PLEKHA7: variants seen among roughly 807,000 people sequenced by gnomAD.
The protein encoded by PLEKHA7 is pleckstrin homology domain containing A7.
In PLEKHA7, 104 loss-of-function variants were observed where a neutral mutation model predicts 170.0. That is an observed-to-expected ratio of 0.61 (90% CI 0.52 to 0.72). The LOEUF is 0.72. Among genes scored for constraint, PLEKHA7 ranks in the 30% least tolerant of loss-of-function variants. PLEKHA7 has a pLI of 0.00. For synonymous variants in PLEKHA7, 648 were observed against 660.8 expected (o/e 0.98, Z 0.30); for missense variants, 1,615 against 1,671.7 (o/e 0.97, Z 0.59).
chr11:16,871,297 G>A (rs2135673971), intron 3 of PLEKHA7, 115 bp from the exon 4 acceptor site: 1 of 754,216 alleles, frequency 1.3e-6, no homozygotes, highest in South Asian at 1.5e-5. Context: ...CACAGGGGGA[G>A]AAATGTGGGC....
intron 11 of PLEKHA7, 146 bp downstream of exon 11, chr11:16,816,654 G>A (rs1340437087): frequency 3.0e-6 from 3 of 996,474 alleles, no homozygotes; most frequent in East Asian, 5.1e-5. Context: ...CTTGGGAACT[G>A]TGCCTGGCAT....
intron 17 of PLEKHA7, among the ~76,000 whole-genome samples, chr11:16,799,028 T>C (rs562490971): frequency 1.6e-4 from 25 of 152,336 alleles, no homozygotes; most frequent in South Asian, 6.2e-4. Context: ...TCTGAGATGA[T>C]AGAAACCTAT....
intron 3 of PLEKHA7, among the ~76,000 whole-genome samples, chr11:16,997,960 T>C (rs1259616640): frequency 1.3e-5 from 2 of 152,152 alleles, no homozygotes; most frequent in African/African-American, 2.4e-5. Context: ...AGAGAGACTA[T>C]GAGAACCCCA....
At chr11:16,947,784 C>A (rs199978258) in intron 3 of PLEKHA7, among the ~76,000 whole-genome samples, 21 of 150,882 alleles carry the variant, frequency 1.4e-4, no homozygotes, top group Middle Eastern at 3.5e-3. Flanking sequence ...GGCTTGGTGG[C>A]GCATGCCTGT....
intron 3 of PLEKHA7, among the ~76,000 whole-genome samples, chr11:16,963,614 T>G (rs1427804145): frequency 2.0e-5 from 3 of 152,150 alleles, no homozygotes; most frequent in Non-Finnish European, 4.4e-5. Context: ...GGCCCTACTT[T>G]GTGGCCTAAA....
chr11:16,914,064 T>C (rs753098238), intron 3 of PLEKHA7, among the ~76,000 whole-genome samples: 40 of 152,268 alleles, frequency 2.6e-4, no homozygotes, highest in Middle Eastern at 3.4e-3. Context: ...CAGACTGTTA[T>C]GTACCAAATA....
At chr11:16,960,527 C>A (rs1018902860) in intron 3 of PLEKHA7, among the ~76,000 whole-genome samples, 1 of 152,096 alleles carries the variant, frequency 6.6e-6, no homozygotes, top group Admixed American at 6.5e-5. Flanking sequence ...ATGAGGCAAG[C>A]GTCGCCCTAG....
At chr11:16,922,331 T>G (rs1312902614) in intron 3 of PLEKHA7, among the ~76,000 whole-genome samples, 2 of 152,214 alleles carry the variant, frequency 1.3e-5, no homozygotes, top group African/African-American at 4.8e-5. Context: ...TTCTCACAAT[T>G]GTCCTGAGGA....
At chr11:16,963,067 C>T (rs1239690438) in intron 3 of PLEKHA7, among the ~76,000 whole-genome samples, 1 of 152,180 alleles carries the variant, frequency 6.6e-6, no homozygotes. Context: ...GATGAGGTGG[C>T]CTTCCACTCC....
chr11:16,794,253 A>C (rs1848056981), intron 19 of PLEKHA7, among the ~76,000 whole-genome samples: 1 of 151,906 alleles, frequency 6.6e-6, no homozygotes, highest in African/African-American at 2.4e-5. Flanking sequence ...CAGTTTTCCC[A>C]ACTGCAAAAT....
intron 9 of PLEKHA7, among the ~76,000 whole-genome samples, chr11:16,840,552 C>T (rs1422526416): frequency 1.3e-5 from 2 of 152,092 alleles, no homozygotes; most frequent in Non-Finnish European, 2.9e-5. Context: ...AAAAGCGAGA[C>T]TCTGTCTGAA....
Position 16,826,142 on chromosome 11 carries a change from C to A in PLEKHA7, c.1321G>T (p.Ala441Ser). Residue 441 changes from alanine to serine, a missense_variant, in exon 10 of 27, where the codon GCC becomes TCC. Transcript: ENST00000531066. The part of the protein sequence containing the change: ...NLAQVEHWAR[A>S]QKGDSRSLPL... ...CACCTCCTGCTATCCCCTTTCTGGG[C>A]CCTTGCCCAGTGCTCCACCTGGGCC... 1 of 1,614,162 alleles carries A rather than the reference C, an allele frequency of 6.2e-7. No individual in the cohort carries two copies. The highest frequency in any genetic ancestry group is 8.5e-7 in the Non-Finnish European group (1 of 1,179,994).
intron 3 of PLEKHA7, among the ~76,000 whole-genome samples, chr11:16,993,597 A>C (rs977994070): frequency 2.0e-5 from 3 of 152,172 alleles, no homozygotes; most frequent in Non-Finnish European, 4.4e-5. Context: ...GTCTCTGGGC[A>C]ACCTCCTGAC....
intron 4 of PLEKHA7, among the ~76,000 whole-genome samples, chr11:16,870,345 A>G (rs943389853): frequency 6.6e-6 from 1 of 151,962 alleles, no homozygotes; most frequent in African/African-American, 2.4e-5. Context: ...GATGGGGTCT[A>G]GGGCAGGATG....
At chr11:16,843,529 A>G (rs993472954) in intron 8 of PLEKHA7, among the ~76,000 whole-genome samples, 1 of 152,280 alleles carries the variant, frequency 6.6e-6, no homozygotes, top group Non-Finnish European at 1.5e-5. Flanking sequence ...GCCTGCAGCC[A>G]AGGATCCCTA....
At chr11:16,922,280 G>T (rs1272555555) in intron 3 of PLEKHA7, among the ~76,000 whole-genome samples, 1 of 152,110 alleles carries the variant, frequency 6.6e-6, no homozygotes, top group Admixed American at 6.6e-5. Flanking sequence ...GCTATCAATT[G>T]GTAAGTACTG....
intron 8 of PLEKHA7, among the ~76,000 whole-genome samples, chr11:16,843,814 G>A (rs1852166421): frequency 6.6e-6 from 1 of 152,156 alleles, no homozygotes; most frequent in Non-Finnish European, 1.5e-5. Context: ...GCACATGCCT[G>A]TAATCTCAGC....
chr11:16,975,415 G>A (rs374797794), intron 3 of PLEKHA7, among the ~76,000 whole-genome samples: 1 of 152,140 alleles, frequency 6.6e-6, no homozygotes, highest in East Asian at 1.9e-4. Context: ...TAATGAAATC[G>A]TATGCAGCCA....
intron 23 of PLEKHA7, chr11:16,786,662 G>A (rs954054264): frequency 8.1e-6 from 8 of 985,378 alleles, no homozygotes; most frequent in Non-Finnish European, 9.6e-6. Context: ...GGTCCCCAGG[G>A]AAATAGAAGG....
Sources: allele counts gnomAD v4.1 joint callset (sites outside exome capture counted in the v4.1 genomes callset), GRCh38; gene constraint gnomAD v4.1.1; transcripts MANE v1.5; gene names NCBI Gene and HGNC (gene_info 2026-07-23, HGNC 2026-07-21).